Variants in CSMD2 observed in about 807,000 individuals in gnomAD.
CSMD2 encodes CUB and sushi domain-containing protein 2.
CSMD2 carries 130 observed loss-of-function variants against 398.5 expected under a neutral mutation model. That is an observed-to-expected ratio of 0.33 (90% CI 0.28 to 0.38). The LOEUF (loss-of-function observed/expected upper bound fraction) is 0.38, where lower values mean the gene tolerates loss of function less well. CSMD2 is among the 10% of genes least tolerant of loss of function. The pLI is 1.00. For missense variants in CSMD2, 3,829 were observed against 4,764.9 expected (o/e 0.80, Z 5.78); for synonymous variants, 1,828 against 1,908.5 (o/e 0.96, Z 1.10).
chr1:33,827,741 C>A (rs1174252534), intron 6 of CSMD2, among the ~76,000 whole-genome samples: 2 of 152,084 alleles, frequency 1.3e-5, no homozygotes, highest in Non-Finnish European at 2.9e-5. Context: ...GTTATTATAC[C>A]TACTCAATAG....
chr1:33,889,737 T>C (rs113361763), intron 5 of CSMD2, among the ~76,000 whole-genome samples: 1 of 148,934 alleles, frequency 6.7e-6, no homozygotes, highest in Non-Finnish European at 1.5e-5. Context: ...AATATGTTTA[T>C]GTTTCACCTC....
chr1:33,765,780 A>C (rs1398857628), intron 13 of CSMD2, among the ~76,000 whole-genome samples: 2 of 152,240 alleles, frequency 1.3e-5, no homozygotes, highest in East Asian at 3.8e-4. Context: ...AAATACCACA[A>C]AGAATTTCTA....
At chr1:33,804,811 G>T (rs1362527665) in intron 10 of CSMD2, 1 of 717,406 alleles carries the variant, frequency 1.4e-6, no homozygotes, top group Admixed American at 2.0e-5. Context: ...TTTCCCAGAA[G>T]ACAACTTCTA....
intron 24 of CSMD2, among the ~76,000 whole-genome samples, chr1:33,694,538 C>T (rs567832009): frequency 2.0e-5 from 3 of 152,234 alleles, no homozygotes; most frequent in South Asian, 4.1e-4. Context: ...TCCATCAGAA[C>T]TTATGAAGTT....
rs2148695761 is a variant in CSMD2, at chr1:33,571,785, G to A, written c.7763-59C>T. The A allele has an allele frequency of 3.1e-6, 4 of 1,287,366 alleles. No individual in the cohort carries two copies. The East Asian group carries it at 1.0e-4, about 33-fold the overall frequency. The allele number at this position is 1,287,366 out of a possible 1,614,324, so 79.7% of individuals were successfully genotyped here. On this transcript the variant is annotated intron_variant, in intron 50 of 70. Transcript: ENST00000373381. ...TACTTGATTAATTCTGGAAGACCTT[G>A]TAAGAGCCCAGATCTAGGGACTTGG...
chr1:34,139,883 T>A (rs1571241931), intron 1 of CSMD2, among the ~76,000 whole-genome samples: 1 of 152,180 alleles, frequency 6.6e-6, no homozygotes, highest in South Asian at 2.1e-4. Flanking sequence ...GTAAAGTGGC[T>A]CCCCTGTCCT....
At position 34,095,609 on chromosome 1, in the gene CSMD2, C is replaced by T. The variant is rs201864582; in HGVS notation, c.188-6416G>A. Among the ~76,000 whole-genome samples the T allele has an allele frequency of 1.3e-4, 20 of 151,534 alleles. No homozygotes were observed. In the East Asian group the frequency reaches 2.9e-3, roughly 22 times the overall value. On this transcript the variant is annotated intron_variant, in intron 1 of 70. Coordinates refer to ENST00000373381, the MANE Select transcript of CSMD2 (RefSeq NM_001281956.2). ...ACTGATCCCACAGAAATGCAAACTA[C>T]CATCAGAGAATACTACAAACACCTC...
At chr1:33,981,954 G>C (rs921244222) in intron 3 of CSMD2, among the ~76,000 whole-genome samples, 1 of 152,202 alleles carries the variant, frequency 6.6e-6, no homozygotes, top group Non-Finnish European at 1.5e-5. Context: ...GCCTGTGGAA[G>C]TCACACTGGG....
intron 13 of CSMD2, among the ~76,000 whole-genome samples, chr1:33,771,618 T>C (rs1651277126): frequency 1.3e-5 from 2 of 151,980 alleles, no homozygotes; most frequent in South Asian, 4.2e-4. Flanking sequence ...CACCAAACTC[T>C]CAGTCATCAC....
intron 13 of CSMD2, among the ~76,000 whole-genome samples, chr1:33,752,708 A>G (rs1039121870): frequency 3.3e-5 from 5 of 152,172 alleles, no homozygotes; most frequent in Non-Finnish European, 7.3e-5. Context: ...AGATAAGAAA[A>G]TGAGGGAGAG....
At chr1:33,820,824 A>G (rs1394217738) in intron 7 of CSMD2, among the ~76,000 whole-genome samples, 1 of 151,624 alleles carries the variant, frequency 6.6e-6, no homozygotes, top group African/African-American at 2.4e-5. Context: ...CTCCATGCCA[A>G]CCACCACCTG....
At chr1:33,735,761 G>T (rs2149235347) in intron 15 of CSMD2, among the ~76,000 whole-genome samples, 1 of 152,234 alleles carries the variant, frequency 6.6e-6, no homozygotes, top group African/African-American at 2.4e-5. Context: ...TATATTAAAA[G>T]ATTTTCTAAA....
intron 25 of CSMD2, among the ~76,000 whole-genome samples, chr1:33,688,531 A>G (rs1645130439): frequency 6.6e-6 from 1 of 152,236 alleles, no homozygotes; most frequent in South Asian, 2.1e-4. Context: ...AATTTTAAAA[A>G]AATGATTATC....
At chr1:33,791,117 T>C (rs1038135717) in intron 11 of CSMD2, among the ~76,000 whole-genome samples, 1 of 152,166 alleles carries the variant, frequency 6.6e-6, no homozygotes, top group Middle Eastern at 3.2e-3. Flanking sequence ...AGCCAGCTGT[T>C]ACTAAATGGC....
chr1:34,055,647 G>A (rs1653749373), intron 2 of CSMD2, among the ~76,000 whole-genome samples: 1 of 152,210 alleles, frequency 6.6e-6, no homozygotes, highest in Non-Finnish European at 1.5e-5. Flanking sequence ...GCCAAGGTAT[G>A]GAGGAAGAGG....
chr1:34,050,044 A>G (rs530469742), intron 2 of CSMD2, among the ~76,000 whole-genome samples: 9 of 152,340 alleles, frequency 5.9e-5, no homozygotes, highest in South Asian at 2.1e-4. Context: ...GAATCAGGCC[A>G]TTCTGGCACC....
intron 6 of CSMD2, among the ~76,000 whole-genome samples, chr1:33,844,720 G>A (rs982564612): frequency 3.9e-5 from 6 of 152,160 alleles, no homozygotes; most frequent in Non-Finnish European, 7.3e-5. Context: ...AAAATGGGAC[G>A]GGTAATAGTA....
At chr1:33,646,491 C>T (rs892530281) in intron 29 of CSMD2, among the ~76,000 whole-genome samples, 157 bp downstream of exon 29, 2 of 152,186 alleles carry the variant, frequency 1.3e-5, no homozygotes, top group Non-Finnish European at 2.9e-5. Flanking sequence ...AGATGGGGGC[C>T]GCAGGAAAGG....
At chr1:34,065,716 A>G (rs1025316086) in intron 2 of CSMD2, among the ~76,000 whole-genome samples, 5 of 152,246 alleles carry the variant, frequency 3.3e-5, no homozygotes, top group African/African-American at 1.2e-4. Context: ...TACCCAGGAC[A>G]CAGTAAATGC....
Sources: allele counts gnomAD v4.1 joint callset (sites outside exome capture counted in the v4.1 genomes callset), GRCh38; gene constraint gnomAD v4.1.1; transcripts MANE v1.5; gene names NCBI Gene and HGNC (gene_info 2026-07-23, HGNC 2026-07-21).